Variants in GPHN observed in about 807,000 individuals in gnomAD.
GPHN encodes the protein gephyrin.
In GPHN, 17 loss-of-function variants were observed where a neutral mutation model predicts 95.5. The observed-to-expected ratio is 0.18, with a 90% confidence interval of 0.12 to 0.27. The LOEUF is 0.27. Ranked by LOEUF, GPHN falls within the 10% of genes least tolerant of loss-of-function variation. The pLI is 1.00. For missense variants in GPHN, 660 were observed against 978.1 expected (o/e 0.67, Z 4.34); for synonymous variants, 320 against 322.5 (o/e 0.99, Z 0.08).
intron 17 of GPHN, among the ~76,000 whole-genome samples, chr14:67,131,586 C>T (rs936708352): frequency 6.6e-6 from 1 of 152,032 alleles, no homozygotes; most frequent in African/African-American, 2.4e-5. Context: ...GAGACACATC[C>T]CCAAAAAATG....
intron 4 of GPHN, among the ~76,000 whole-genome samples, chr14:66,837,738 T>G (rs2061909169): frequency 6.6e-6 from 1 of 151,704 alleles, no homozygotes; most frequent in South Asian, 2.1e-4. Context: ...AGGTCAGAAT[T>G]TTTGCAATTT....
chr14:67,289,962 C>T, the GPHN span, among the ~76,000 whole-genome samples: 1 of 151,804 alleles, frequency 6.6e-6, no homozygotes, highest in Non-Finnish European at 1.5e-5. Flanking sequence ...TTAGTAGAGA[C>T]GGGGTTTCAC....
At chr14:66,905,826 T>G (rs1057227094) in intron 5 of GPHN, among the ~76,000 whole-genome samples, 2 of 152,104 alleles carry the variant, frequency 1.3e-5, no homozygotes, top group African/African-American at 4.8e-5. Flanking sequence ...GAACATTCAG[T>G]ATGTGGTTTT....
At chr14:67,523,205 C>T in the GPHN span, among the ~76,000 whole-genome samples, 1 of 152,150 alleles carries the variant, frequency 6.6e-6, no homozygotes, top group Admixed American at 6.5e-5. Context: ...AGCCTGTAAT[C>T]CCAGCTACTC....
the GPHN span, chr14:67,583,876 C>T: frequency 6.2e-7 from 1 of 1,613,620 alleles, no homozygotes; most frequent in Non-Finnish European, 8.5e-7. Context: ...CCCCGCTGAA[C>T]AGCTGAGGTA....
intron 8 of GPHN, among the ~76,000 whole-genome samples, chr14:66,948,301 A>T (rs2067879509): frequency 6.6e-6 from 1 of 152,152 alleles, no homozygotes; most frequent in Non-Finnish European, 1.5e-5. Context: ...GTAAAAAAAA[A>T]CAAGCTTATA....
chr14:67,592,418 A>G, the GPHN span: 1 of 514,852 alleles, frequency 1.9e-6, no homozygotes, highest in Non-Finnish European at 3.5e-6. Flanking sequence ...AGCCTAGGTG[A>G]CAAAGTGAGA....
At chr14:67,647,303 T>G in the GPHN span, 1 of 314,838 alleles carries the variant, frequency 3.2e-6, no homozygotes. Context: ...AAGCATTTAT[T>G]GTTTCAACTG....
At chr14:67,282,418 CA>C in the GPHN span, among the ~76,000 whole-genome samples, 2 of 152,078 alleles carry the variant, frequency 1.3e-5, no homozygotes, top group African/African-American at 4.8e-5. Context: ...AGTTTCTAAA[CA>C]ATACATCATC....
In GPHN at chr14:66,772,758, G is replaced by T. The variant is rs558252570; in HGVS notation, c.144-3706G>T. Among the ~76,000 whole-genome samples, 3 of 152,112 alleles carry T rather than the reference G, an allele frequency of 2.0e-5. No homozygotes were observed. In the South Asian group the frequency reaches 6.2e-4, roughly 31 times the overall value. On this transcript the variant is annotated intron_variant, in intron 2 of 22. Coordinates refer to ENST00000478722, the MANE Select transcript of GPHN (RefSeq NM_020806.5). ...CTGATATATGTTTTTAAAAATCAAA[G>T]AATTTTTAGAAGAATCAGATATAGT...
the GPHN span, among the ~76,000 whole-genome samples, chr14:67,700,385 T>C: frequency 6.6e-5 from 10 of 152,120 alleles, no homozygotes; most frequent in Admixed American, 4.6e-4. Context: ...GATAAACATT[T>C]TAGCATCAGG....
the GPHN span, among the ~76,000 whole-genome samples, chr14:67,425,997 A>G: frequency 6.6e-6 from 1 of 151,870 alleles, no homozygotes. Flanking sequence ...CTCCTGCCTC[A>G]GCCTCCCAAA....
At chr14:67,443,669 G>A in the GPHN span, among the ~76,000 whole-genome samples, 1 of 152,056 alleles carries the variant, frequency 6.6e-6, no homozygotes, top group African/African-American at 2.4e-5. Flanking sequence ...TCAGGAGGCT[G>A]AGATGGGAGG....
chr14:67,393,522 C>T, the GPHN span, among the ~76,000 whole-genome samples: 4 of 152,078 alleles, frequency 2.6e-5, no homozygotes, highest in Non-Finnish European at 4.4e-5. Flanking sequence ...GGCAAGATCT[C>T]GGCTAACTGT....
chr14:66,702,946 A>G (rs1293588884), intron 2 of GPHN, among the ~76,000 whole-genome samples: 1 of 152,230 alleles, frequency 6.6e-6, no homozygotes, highest in Non-Finnish European at 1.5e-5. Flanking sequence ...AGAAAGGAGC[A>G]TAAATGACCC....
At chr14:67,045,061 C>A (rs1360815659) in intron 10 of GPHN, among the ~76,000 whole-genome samples, 1 of 152,096 alleles carries the variant, frequency 6.6e-6, no homozygotes, top group Non-Finnish European at 1.5e-5. Flanking sequence ...AAGACCCAAC[C>A]CTAAAATCTG....
At chr14:67,290,341 TAGAC>T in the GPHN span, among the ~76,000 whole-genome samples, 1 of 152,186 alleles carries the variant, frequency 6.6e-6, no homozygotes, top group Non-Finnish European at 1.5e-5. Context: ...ATAGTTCTGA[TAGAC>T]CAGTGAAATA....
At chr14:67,577,957 A>C in the GPHN span, 1 of 1,479,596 alleles carries the variant, frequency 6.8e-7, no homozygotes, top group Non-Finnish European at 9.3e-7. Context: ...GAAAATGGCC[A>C]AGCCGTTGAG....
chr14:66,764,253 C>T (rs138440388), intron 2 of GPHN, among the ~76,000 whole-genome samples: 465 of 152,038 alleles, frequency 3.1e-3, no homozygotes, highest in South Asian at 5.8e-3. Flanking sequence ...GGAGGATGTT[C>T]GTGGGTCACA....
Sources: gnomAD v4.1 joint callset for allele counts (sites outside exome capture counted in the v4.1 genomes callset) on GRCh38, gnomAD v4.1.1 for gene constraint, MANE v1.5 for transcripts, NCBI Gene and HGNC (gene_info 2026-07-23, HGNC 2026-07-21) for gene names.